GPD2: variants seen among roughly 807,000 people sequenced by gnomAD.
The protein encoded by GPD2 is glycerol-3-phosphate dehydrogenase 2.
In GPD2, 54 loss-of-function variants were observed where a neutral mutation model predicts 82.4. The observed-to-expected ratio is 0.66, with a 90% CI of 0.53 to 0.82. The LOEUF is 0.82. Ranked by LOEUF, GPD2 falls within the 40% of genes least tolerant of loss-of-function variation. The pLI, the probability that GPD2 is intolerant of heterozygous loss-of-function variation, is 0.00. For synonymous variants in GPD2, 288 were observed against 306.1 expected (o/e 0.94, Z 0.62); for missense variants, 748 against 896.2 (o/e 0.83, Z 2.11).
At chr2:156,518,486 A>G (rs1278490513) in intron 6 of GPD2, among the ~76,000 whole-genome samples, 2 of 152,232 alleles carry the variant, frequency 1.3e-5, no homozygotes, top group African/African-American at 4.8e-5. Context: ...TGCCTCTGGC[A>G]AAAGGCATAT....
At chr2:156,453,811 A>G (rs1385440862) in intron 1 of GPD2, among the ~76,000 whole-genome samples, 2 of 152,138 alleles carry the variant, frequency 1.3e-5, no homozygotes, top group African/African-American at 4.8e-5. Flanking sequence ...CGGGAGGTGG[A>G]GGTTGCAGTG....
chr2:156,402,680 A>G, the GPD2 span, among the ~76,000 whole-genome samples: 282 of 151,794 alleles, frequency 1.9e-3, no homozygotes, highest in African/African-American at 4.0e-3. Flanking sequence ...TTGTTTCTTT[A>G]TTTATTTATT....
chr2:156,477,990 T>G (rs545834343), intron 2 of GPD2, among the ~76,000 whole-genome samples: 1 of 152,142 alleles, frequency 6.6e-6, no homozygotes, highest in Non-Finnish European at 1.5e-5. Flanking sequence ...ATATGATGAG[T>G]TGTTGCTAAA....
the GPD2 span, among the ~76,000 whole-genome samples, chr2:156,422,133 TTCA>T: frequency 6.6e-6 from 1 of 152,154 alleles, no homozygotes; most frequent in Non-Finnish European, 1.5e-5. Flanking sequence ...ATTTAAAATG[TTCA>T]TCAACTTTGA....
chr2:156,468,654 T>C (rs1391804705), intron 1 of GPD2, among the ~76,000 whole-genome samples: 1 of 152,218 alleles, frequency 6.6e-6, no homozygotes, highest in Non-Finnish European at 1.5e-5. Flanking sequence ...GTGTAGGTGA[T>C]TGGAAGAGCA....
chr2:156,406,683 G>A, the GPD2 span, among the ~76,000 whole-genome samples: 1 of 152,068 alleles, frequency 6.6e-6, no homozygotes, highest in Non-Finnish European at 1.5e-5. Flanking sequence ...CCTCATGGTG[G>A]AGGAAATGTG....
chr2:156,413,397 C>T, the GPD2 span, among the ~76,000 whole-genome samples: 2 of 151,566 alleles, frequency 1.3e-5, no homozygotes, highest in African/African-American at 2.4e-5. Context: ...GCCTGGCAAA[C>T]ATGGCGAAAT....
At position 156,586,057 on chromosome 2, in the gene GPD2, A is replaced by G. The variant is rs1463757516; in HGVS notation, c.*3139A>G. 2 of 152,422 alleles carry G rather than the reference A, an allele frequency of 1.3e-5. No homozygotes were observed. The highest frequency in any genetic ancestry group is 4.8e-5 in the African/African-American group (2 of 41,422). The allele number at this position is 152,422 out of a possible 1,614,324, so 9.4% of individuals were successfully genotyped here. The stretch of plus-strand genomic sequence containing the variant: ...ACTTTTGATACACAGAATGAGCTGC[A>G]TGCATTTATAGAGCAATAAGAGGAT... On this transcript the variant is annotated 3_prime_UTR_variant, in exon 17 of 17. Transcript: ENST00000438166.
Position 156,510,756 on chromosome 2 carries a change from G to A in GPD2, c.275-40G>A. 4 of 1,550,194 alleles carry A rather than the reference G, an allele frequency of 2.6e-6. 1 individual carries two copies. The highest frequency in any genetic ancestry group is 3.6e-6 in the Non-Finnish European group (4 of 1,122,316). The stretch of plus-strand genomic sequence containing the variant: ...GCCTTTAATGAATTACATACAAATT[G>A]TGTAATTTAAGAAGTTAATTTGGTT... On this transcript the variant is annotated intron_variant, in intron 3 of 16. Coordinates refer to ENST00000438166, the MANE Select transcript of GPD2 (RefSeq NM_000408.5).
chr2:156,405,634 T>C, the GPD2 span, among the ~76,000 whole-genome samples: 10 of 152,310 alleles, frequency 6.6e-5, no homozygotes, highest in East Asian at 1.2e-3. Flanking sequence ...ACATCGGGAA[T>C]GCTGTAGTAG....
In GPD2 at chr2:156,569,094, G is replaced by C. The variant is rs927098918; in HGVS notation, c.1300+135G>C. 7.7e-6 allele frequency: 6 copies of C among 778,154 alleles called. No homozygotes were observed. The Admixed American group carries it at 1.3e-4, about 17-fold the overall frequency. 48.2% of individuals were successfully genotyped at this position (778,154 alleles called of 1,614,324 possible). A position where few individuals can be genotyped will look rare whatever the true frequency, so the allele number is the denominator to read the frequency against. On this transcript the variant is annotated intron_variant, in intron 10 of 16. Transcript: ENST00000438166. ...TTCTCCCACCTCAGCCTCCCAAAGTGTTGGGATTACAGGCATGAGCCACTA... is the reference window on the plus strand; with the variant it reads ...TTCTCCCACCTCAGCCTCCCAAAGTCTTGGGATTACAGGCATGAGCCACTA...
At position 156,504,855 on chromosome 2, in the gene GPD2, G is replaced by T. The variant is rs374395376; in HGVS notation, c.275-5941G>T. Among the ~76,000 whole-genome samples the T allele has an allele frequency of 1.1e-4, 16 of 152,086 alleles. No individual in the cohort carries two copies. In the South Asian group the frequency reaches 2.7e-3, roughly 26 times the overall value. ...CATATGATCCTATTTTTACAAAAATGTACATATGTGATTATATACATGCAT... is the reference window on the plus strand; with the variant it reads ...CATATGATCCTATTTTTACAAAAATTTACATATGTGATTATATACATGCAT... On this transcript the variant is annotated intron_variant, in intron 3 of 16. Transcript: ENST00000438166.
chr2:156,512,035 G>A (rs1685015132), intron 4 of GPD2, among the ~76,000 whole-genome samples, 185 bp from the exon 5 acceptor site: 2 of 152,212 alleles, frequency 1.3e-5, no homozygotes, highest in South Asian at 4.2e-4. Flanking sequence ...ATACAGTTAA[G>A]GTTTCTAAAA....
intron 1 of GPD2, among the ~76,000 whole-genome samples, chr2:156,461,161 C>CTTT (rs70987039): frequency 5.6e-4 from 60 of 106,432 alleles, no homozygotes; most frequent in African/African-American, 1.9e-3. Flanking sequence ...CTCTCTATCT[C>CTTT]TTTTTTTTTT....
At chr2:156,514,996 T>G (rs1685146971) in intron 6 of GPD2, among the ~76,000 whole-genome samples, 1 of 152,190 alleles carries the variant, frequency 6.6e-6, no homozygotes, top group South Asian at 2.1e-4. Flanking sequence ...GGCCTTTCCC[T>G]CTTATTACTA....
intron 2 of GPD2, among the ~76,000 whole-genome samples, chr2:156,486,436 A>G (rs1371883052): frequency 1.3e-5 from 2 of 152,250 alleles, no homozygotes; most frequent in Admixed American, 6.5e-5. Flanking sequence ...ACTGAGCAAC[A>G]TTGACATTCA....
intron 6 of GPD2, among the ~76,000 whole-genome samples, chr2:156,524,138 T>C (rs1685520113): frequency 6.6e-6 from 1 of 151,958 alleles, no homozygotes; most frequent in African/African-American, 2.4e-5. Flanking sequence ...CTCACCCTCT[T>C]CCCACCCACC....
At chr2:156,433,654 A>G (rs1429731090), upstream of GPD2, among the ~76,000 whole-genome samples, 1 of 151,954 alleles carries the variant, frequency 6.6e-6, no homozygotes, top group Non-Finnish European at 1.5e-5. Context: ...GTCTTGATCA[A>G]TCGACTCTGT....
chr2:156,492,889 A>T (rs2105234802), intron 2 of GPD2, among the ~76,000 whole-genome samples: 1 of 152,332 alleles, frequency 6.6e-6, no homozygotes, highest in East Asian at 1.9e-4. Context: ...GACAGAGAAA[A>T]AGGTTTGAGA....
Sources: gnomAD v4.1 joint callset for allele counts (sites outside exome capture counted in the v4.1 genomes callset) on GRCh38, gnomAD v4.1.1 for gene constraint, MANE v1.5 for transcripts, NCBI Gene and HGNC (gene_info 2026-07-23, HGNC 2026-07-21) for gene names.